The following NUP155 variants were observed in gnomAD, a reference collection of about 807,000 sequenced individuals.
NUP155 encodes the protein nuclear pore complex protein Nup155.
In NUP155, 71 loss-of-function variants were observed where a neutral mutation model predicts 180.4. The observed-to-expected ratio is 0.39, with a 90% CI of 0.33 to 0.48. The LOEUF is 0.48. NUP155 is among the 20% of genes least tolerant of loss of function. NUP155 has a pLI of 0.91. For missense variants in NUP155, 1,553 were observed against 1,648.9 expected (o/e 0.94, Z 1.01); for synonymous variants, 582 against 559.5 (o/e 1.04, Z -0.57).
chr5:37,371,094 T>C lies in NUP155; in HGVS notation c.-117A>G. On this transcript the variant is annotated 5_prime_UTR_variant, in exon 1 of 35. Coordinates refer to ENST00000231498, the MANE Select transcript of NUP155 (RefSeq NM_153485.3). Reference sequence around the variant, plus strand: ...AGGGCGCGCGCGCCAAACGAGCGCCTTGGCGCCTCGACATGACGCACTTCC... The same window carrying C: ...AGGGCGCGCGCGCCAAACGAGCGCCCTGGCGCCTCGACATGACGCACTTCC... The C allele has an allele frequency of 9.8e-7, 1 of 1,023,638 alleles. No homozygotes were observed. The highest frequency in any genetic ancestry group is 1.3e-5 in the South Asian group (1 of 74,124). The allele number at this position is 1,023,638 out of a possible 1,614,324, so 63.4% of individuals were successfully genotyped here.
intron 3 of NUP155, among the ~76,000 whole-genome samples, chr5:37,360,484 C>CA (rs370612338): frequency 3.3e-4 from 46 of 138,568 alleles, no homozygotes; most frequent in South Asian, 6.9e-4. Context: ...GACTCAGTCT[C>CA]AAAAAAAAAA....
At chr5:37,312,957 T>C (rs1363025391) in intron 22 of NUP155, among the ~76,000 whole-genome samples, 1 of 152,208 alleles carries the variant, frequency 6.6e-6, no homozygotes, top group Non-Finnish European at 1.5e-5. Context: ...TTTGCTCTAC[T>C]TTTGTATACG....
Position 37,303,403 on chromosome 5 carries a change from T to C in NUP155, c.3174A>G (p.Pro1058=), listed in dbSNP as rs1742972900. Residue 1058 remains proline (P), a synonymous_variant, in exon 28 of 35, where the codon CCA becomes CCG. Transcript: ENST00000231498. Reference sequence around the variant, plus strand: ...TTCGGACTAGATGTGGCTCCAGAAATGGAGAAGCAACCTAGAAATTATATA... The same window carrying C: ...TTCGGACTAGATGTGGCTCCAGAAACGGAGAAGCAACCTAGAAATTATATA... ...LADKLLQVAS[P]FLEPHLVRMA... is the part of the protein sequence containing the mutation. 1.9e-6 allele frequency: 3 copies of C among 1,614,026 alleles called. No homozygotes were observed. The highest frequency in any genetic ancestry group is 2.5e-6 in the Non-Finnish European group (3 of 1,179,936).
chr5:37,370,092 C>G (rs1163018624), intron 1 of NUP155, among the ~76,000 whole-genome samples: 1 of 152,170 alleles, frequency 6.6e-6, no homozygotes, highest in African/African-American at 2.4e-5. Context: ...GTTTCTTGGC[C>G]GGGTGCAGTG....
Position 37,288,771 on chromosome 5 carries a change from A to AGGGGTGGTG in NUP155, c.*3128_*3129insCACCACCCC, listed in dbSNP as rs1742120961. ...TTAAAAAAAAAAAAAAAAAAAAAGT[A>AGGGGTGGTG]GGGGGGGTGGGGCTAGGCGCAGTGG... On this transcript the variant is annotated 3_prime_UTR_variant, in exon 35 of 35. Transcript: ENST00000231498. 1 of 57,650 alleles carries AGGGGTGGTG rather than the reference A, an allele frequency of 1.7e-5. No homozygotes were observed. Among genetic ancestry groups the AGGGGTGGTG allele is most frequent in the African/African-American group, 5.6e-5 (1 of 17,780 alleles). 3.6% of individuals were successfully genotyped at this position (57,650 alleles called of 1,614,324 possible). A position where few individuals can be genotyped will look rare whatever the true frequency, so the allele number is the denominator to read the frequency against.
At position 37,352,095 on chromosome 5, in the gene NUP155, C is replaced by T. The variant is rs535109533; in HGVS notation, c.556+642G>A. ...AAATTAGGCCGGGCACAGTGGCTCA[C>T]GCCTGTAATCCCAGCACTTTGGGAG... On this transcript the variant is annotated intron_variant, in intron 5 of 34. Transcript: ENST00000231498. Among the ~76,000 whole-genome samples, 45 of 151,718 alleles carry T rather than the reference C, an allele frequency of 3.0e-4. No individual in the cohort carries two copies. The South Asian group carries it at 7.1e-3, about 24-fold the overall frequency.
At chr5:37,330,217 G>A (rs1744869381) in intron 14 of NUP155, 85 bp from the exon 15 acceptor site, 9 of 918,632 alleles carry the variant, frequency 9.8e-6, no homozygotes, top group Non-Finnish European at 1.6e-5. Flanking sequence ...ATTAAAGTCT[G>A]TATCTAGCAC....
At chr5:37,360,431 G>C (rs761522212) in intron 3 of NUP155, among the ~76,000 whole-genome samples, 75 of 151,902 alleles carry the variant, frequency 4.9e-4, no homozygotes, top group Non-Finnish European at 8.8e-4. Flanking sequence ...GTTGCAGTCA[G>C]CCAAGATCTT....
At chr5:37,321,141 T>C (rs1162639763) in intron 20 of NUP155, among the ~76,000 whole-genome samples, 1 of 149,276 alleles carries the variant, frequency 6.7e-6, no homozygotes, top group African/African-American at 2.5e-5. Context: ...AGGTCAAGAG[T>C]TCAAGATCAG....
intron 19 of NUP155, among the ~76,000 whole-genome samples, chr5:37,324,890 T>A (rs1432246536): frequency 6.6e-6 from 1 of 152,086 alleles, no homozygotes; most frequent in Non-Finnish European, 1.5e-5. Context: ...GCGTGGTGGC[T>A]CACGCCTGTA....
intron 11 of NUP155, among the ~76,000 whole-genome samples, chr5:37,339,310 A>AC (rs1402473572): frequency 1.3e-5 from 2 of 150,394 alleles, no homozygotes; most frequent in African/African-American, 4.9e-5. Flanking sequence ...ACTGTCTCAA[A>AC]AAAAAAAAAA....
chr5:37,312,207 C>T (rs1327316581), intron 22 of NUP155, among the ~76,000 whole-genome samples: 2 of 152,020 alleles, frequency 1.3e-5, no homozygotes, highest in African/African-American at 4.8e-5. Flanking sequence ...AGAAGGACAA[C>T]GAAACCTTTT....
At chr5:37,359,854 A>C (rs1747083964) in intron 3 of NUP155, among the ~76,000 whole-genome samples, 1 of 152,224 alleles carries the variant, frequency 6.6e-6, no homozygotes, top group African/African-American at 2.4e-5. Flanking sequence ...CTAATTGACT[A>C]TATGTACAAA....
intron 9 of NUP155, among the ~76,000 whole-genome samples, chr5:37,347,942 C>T (rs532883030): frequency 4.8e-4 from 73 of 152,164 alleles, no homozygotes; most frequent in African/African-American, 1.7e-3. Context: ...CGAGACCATC[C>T]TGGCCAACAT....
intron 2 of NUP155, 107 bp from the exon 3 acceptor site, chr5:37,364,091 C>T (rs1747392400): frequency 3.6e-6 from 4 of 1,096,250 alleles, no homozygotes; most frequent in South Asian, 2.6e-5. Context: ...AATGTGTCCA[C>T]TCTTTAATAC....
chr5:37,339,819 A>T lies in NUP155; in HGVS notation c.1246+1271T>A, dbSNP rs79476598. On this transcript the variant is annotated intron_variant, in intron 11 of 34. Coordinates refer to ENST00000231498, the MANE Select transcript of NUP155 (RefSeq NM_153485.3). ...TGCTCTGTCCCCCATGCTAGAGTGCAGCGGTAGGATCTTGGTTCACTGTAA... is the reference window on the plus strand; with the variant it reads ...TGCTCTGTCCCCCATGCTAGAGTGCTGCGGTAGGATCTTGGTTCACTGTAA... Among the ~76,000 whole-genome samples the T allele has an allele frequency of 9.9e-4, 151 of 152,230 alleles. No homozygotes were observed. In the East Asian group the frequency reaches 0.024, roughly 24 times the overall value.
rs1561762459 is a variant in NUP155 at position 37,294,023 on chromosome 5, A to AAAAAAAAATAAAAAT, written c.3930+305_3930+306insATTTTTATTTTTTTT. Among the ~76,000 whole-genome samples, 6 of 76,142 alleles carry AAAAAAAAATAAAAAT rather than the reference A, an allele frequency of 7.9e-5. 2 individuals are homozygous for AAAAAAAAATAAAAAT. In the African/African-American group the frequency reaches 1.9e-3, roughly 24 times the overall value. 50.0% of individuals were successfully genotyped at this position (76,142 alleles called of 152,430 possible). A position where few individuals can be genotyped will look rare whatever the true frequency, so the allele number is the denominator to read the frequency against. On this transcript the variant is annotated intron_variant, in intron 33 of 34. Coordinates refer to ENST00000231498, the MANE Select transcript of NUP155 (RefSeq NM_153485.3). ...GCCGTCTCAAAAAAAAAAAAAAAAAAAAAAATAAAGCAAATGATGATTCTT... is the reference window on the plus strand; with the variant it reads ...GCCGTCTCAAAAAAAAAAAAAAAAAAAAAAAAAATAAAAATAAAAATAAAGCAAATGATGATTCTT...
At chr5:37,313,647 T>C (rs1743676463) in intron 22 of NUP155, among the ~76,000 whole-genome samples, 1 of 152,026 alleles carries the variant, frequency 6.6e-6, no homozygotes, top group Admixed American at 6.6e-5. Context: ...ACTACAGGCA[T>C]GTGCCACCAC....
Position 37,330,027 on chromosome 5 carries a change from C to T in NUP155, c.1724+11G>A, listed in dbSNP as rs752621249. ...AAAACAAATAAATAAACAAGAAAAA[C>T]TTTCACATACCTAAAGAAAGCCCGA... On this transcript the variant is annotated intron_variant, in intron 15 of 34. Coordinates refer to ENST00000231498, the MANE Select transcript of NUP155 (RefSeq NM_153485.3). 40 of 1,594,362 alleles carry T rather than the reference C, an allele frequency of 2.5e-5. No individual in the cohort carries two copies. The highest frequency in any genetic ancestry group is 1.7e-4 in the Middle Eastern group (1 of 6,042).
Sources: gnomAD v4.1 joint callset for allele counts (sites outside exome capture counted in the v4.1 genomes callset) on GRCh38, gnomAD v4.1.1 for gene constraint, MANE v1.5 for transcripts, NCBI Gene and HGNC (gene_info 2026-07-23, HGNC 2026-07-21) for gene names.